Variants in SFT2D1 observed in about 807,000 individuals in gnomAD.
SFT2D1 encodes the protein vesicle transport protein SFT2A.
In SFT2D1, 24 loss-of-function variants were observed where a neutral mutation model predicts 28.1. The ratio of observed to expected loss-of-function variants is 0.85; its 90% CI spans 0.62 to 1.20. SFT2D1 has a LOEUF of 1.20. SFT2D1 is among the 50% of genes most tolerant of loss of function. The pLI is 0.00. For missense variants in SFT2D1, 181 were observed against 190.9 expected, an observed-to-expected ratio of 0.95 and a Z score of 0.31; for synonymous variants, 82 against 73.7, an observed-to-expected ratio of 1.11 and a Z score of -0.58.
At chr6:166,333,222 T>C (rs936099438) in intron 1 of SFT2D1, among the ~76,000 whole-genome samples, 2 of 152,200 alleles carry the variant, frequency 1.3e-5, no homozygotes, top group African/African-American at 4.8e-5. Flanking sequence ...CCACACCCGC[T>C]GCTGGGGTCC....
At chr6:166,337,135 A>C (rs1251867968) in intron 1 of SFT2D1, among the ~76,000 whole-genome samples, 1 of 152,222 alleles carries the variant, frequency 6.6e-6, no homozygotes, top group Non-Finnish European at 1.5e-5. Flanking sequence ...GGGGAGGTGC[A>C]GTCAAGGTCC....
chr6:166,328,787 A>G (rs1281530608), intron 3 of SFT2D1, among the ~76,000 whole-genome samples: 3 of 152,170 alleles, frequency 2.0e-5, no homozygotes, highest in South Asian at 2.1e-4. Context: ...AAAAATTTCT[A>G]TTCTTCCTAA....
Position 166,320,212 on chromosome 6 carries a change from G to C in SFT2D1, c.*5C>G, listed in dbSNP as rs1051559301. The stretch of plus-strand genomic sequence containing the variant: ...CAAGTGCTCTTTTCCACAAGTTTCT[G>C]ATTTTCAACTTAGGAGAGAAGAACA... On this transcript the variant is annotated 3_prime_UTR_variant, in exon 8 of 8. Coordinates refer to ENST00000361731, the MANE Select transcript of SFT2D1 (RefSeq NM_145169.3). 1 of 1,610,484 alleles carries C rather than the reference G, an allele frequency of 6.2e-7. No individual in the cohort carries two copies. The highest frequency in any genetic ancestry group is 8.5e-7 in the Non-Finnish European group (1 of 1,178,804).
chr6:166,340,605 TGAGC>T (rs1778758753), intron 1 of SFT2D1, among the ~76,000 whole-genome samples: 1 of 152,238 alleles, frequency 6.6e-6, no homozygotes, highest in Non-Finnish European at 1.5e-5. Context: ...GCAGCTCTTC[TGAGC>T]TGTGCTCACA....
intron 1 of SFT2D1, among the ~76,000 whole-genome samples, chr6:166,338,627 C>T (rs1778709694): frequency 6.6e-6 from 1 of 151,906 alleles, no homozygotes; most frequent in Admixed American, 6.6e-5. Context: ...AAGAAAATGG[C>T]TCCAACTGAG....
At chr6:166,328,200 T>G in intron 4 of SFT2D1, 76 bp downstream of exon 4, 1 of 786,080 alleles carries the variant, frequency 1.3e-6, no homozygotes, top group Non-Finnish European at 1.9e-6. Flanking sequence ...TATACATACA[T>G]AACAGGCAAT....
intron 1 of SFT2D1, chr6:166,334,452 G>A (rs1174603368): frequency 1.3e-5 from 2 of 153,074 alleles, no homozygotes; most frequent in African/African-American, 2.4e-5. Context: ...TATTAGCCAG[G>A]TATGGGGGCA....
In SFT2D1 at chr6:166,324,606, CAA is replaced by C; in HGVS notation, c.352-13_352-12del. ...TCCCTTCTTATGCCACTAACAACAG[CAA>C]AAACAGAGCAATTATGAGTTTCAAA... On this transcript the variant is annotated splice_polypyrimidine_tract_variant and intron_variant, in intron 5 of 7. Coordinates refer to ENST00000361731, the MANE Select transcript of SFT2D1 (RefSeq NM_145169.3). 6.2e-7 allele frequency: 1 copy of C among 1,607,600 alleles called. No homozygotes were observed. The highest frequency in any genetic ancestry group is 8.5e-7 in the Non-Finnish European group (1 of 1,178,274).
intron 7 of SFT2D1, among the ~76,000 whole-genome samples, chr6:166,321,215 CA>C (rs1778348954): frequency 6.6e-6 from 1 of 152,054 alleles, no homozygotes; most frequent in Admixed American, 6.5e-5. Context: ...TATTTTCTTC[CA>C]AAACTGTTAT....
intron 5 of SFT2D1, among the ~76,000 whole-genome samples, chr6:166,325,113 A>G (rs986505842): frequency 6.6e-6 from 1 of 151,902 alleles, no homozygotes; most frequent in African/African-American, 2.4e-5. Context: ...GTGCTTTTTT[A>G]CTTATTTATC....
At position 166,334,710 on chromosome 6, in the gene SFT2D1, G is replaced by A. The variant is rs1778613202; in HGVS notation, c.64-4463C>T. 6 of 297,340 alleles carry A rather than the reference G, an allele frequency of 2.0e-5. No individual in the cohort carries two copies. The South Asian group carries it at 2.3e-4, about 11-fold the overall frequency. The allele number at this position is 297,340 out of a possible 1,614,324, so 18.4% of individuals were successfully genotyped here. A position where few individuals can be genotyped will look rare whatever the true frequency, so the allele number is the denominator to read the frequency against. ...CCAATCTGAGCGATGGGGAACGCTC[G>A]TGGACTGTGTAGTCATGAGATCCAA... On this transcript the variant is annotated intron_variant, in intron 1 of 7. Coordinates refer to ENST00000361731, the MANE Select transcript of SFT2D1 (RefSeq NM_145169.3).
chr6:166,339,217 C>G (rs1257879041), intron 1 of SFT2D1, among the ~76,000 whole-genome samples: 1 of 152,120 alleles, frequency 6.6e-6, no homozygotes, highest in Non-Finnish European at 1.5e-5. Context: ...GAAATTTAGT[C>G]TCCAGGACCA....
intron 1 of SFT2D1, among the ~76,000 whole-genome samples, chr6:166,336,758 C>T (rs1444651254): frequency 2.0e-5 from 3 of 152,148 alleles, no homozygotes; most frequent in African/African-American, 4.8e-5. Flanking sequence ...TTTGTAGAAG[C>T]GGGGTCTCGC....
At position 166,324,521 on chromosome 6, in the gene SFT2D1, G is replaced by A. The variant is rs771774914; in HGVS notation, c.410+16C>T. The A allele has an allele frequency of 2.5e-6, 4 of 1,608,586 alleles. No homozygotes were observed. The highest frequency in any genetic ancestry group is 3.4e-5 in the Admixed American group (2 of 58,224). On this transcript the variant is annotated intron_variant, in intron 6 of 7. Transcript: ENST00000361731. The stretch of plus-strand genomic sequence containing the variant: ...CAGGCAATTTTAACACTTCACTAGG[G>A]TAAGGAAAGACTTACCAGGTCATTG...
intron 1 of SFT2D1, among the ~76,000 whole-genome samples, chr6:166,339,215 G>T (rs1778723249): frequency 6.6e-6 from 1 of 151,968 alleles, no homozygotes. Context: ...TTGAAATTTA[G>T]TCTCCAGGAC....
At position 166,324,525 on chromosome 6, in the gene SFT2D1, G is replaced by A; in HGVS notation, c.410+12C>T. The A allele has an allele frequency of 6.2e-7, 1 of 1,609,564 alleles. No homozygotes were observed. The highest frequency in any genetic ancestry group is 2.2e-5 in the East Asian group (1 of 44,752). On this transcript the variant is annotated intron_variant, in intron 6 of 7. Transcript: ENST00000361731. The stretch of plus-strand genomic sequence containing the variant: ...CAATTTTAACACTTCACTAGGGTAA[G>A]GAAAGACTTACCAGGTCATTGACAA...
At position 166,324,521 on chromosome 6, in the gene SFT2D1, G is replaced by T. The variant is rs771774914; in HGVS notation, c.410+16C>A. ...CAGGCAATTTTAACACTTCACTAGG[G>T]TAAGGAAAGACTTACCAGGTCATTG... On this transcript the variant is annotated intron_variant, in intron 6 of 7. Coordinates refer to ENST00000361731, the MANE Select transcript of SFT2D1 (RefSeq NM_145169.3). 3.1e-6 allele frequency: 5 copies of T among 1,608,586 alleles called. No individual in the cohort carries two copies. The highest frequency in any genetic ancestry group is 4.5e-5 in the East Asian group (2 of 44,748).
intron 6 of SFT2D1, 135 bp from the exon 7 acceptor site, chr6:166,323,021 C>A (rs1280713847): frequency 3.1e-6 from 2 of 649,370 alleles, no homozygotes; most frequent in South Asian, 2.2e-5. Flanking sequence ...TGACCCCGAC[C>A]AGCAGTGAGA....
chr6:166,329,936 T>A (rs561353559), intron 2 of SFT2D1, among the ~76,000 whole-genome samples: 1 of 152,198 alleles, frequency 6.6e-6, no homozygotes, highest in Non-Finnish European at 1.5e-5. Flanking sequence ...TTTTAACACA[T>A]TGATACATTT....
Sources: gnomAD v4.1 joint callset for allele counts (sites outside exome capture counted in the v4.1 genomes callset) on GRCh38, gnomAD v4.1.1 for gene constraint, MANE v1.5 for transcripts, NCBI Gene and HGNC (gene_info 2026-07-23, HGNC 2026-07-21) for gene names.